The following RBFOX3 variants were observed in gnomAD, a reference collection of about 807,000 sequenced individuals.
RBFOX3 encodes RNA binding protein fox-1 homolog 3.
Under a neutral mutation model 48.7 loss-of-function variants are expected in RBFOX3, and 17 were observed. The observed-to-expected ratio is 0.35, with a 90% CI of 0.24 to 0.52. The LOEUF (loss-of-function observed/expected upper bound fraction) is 0.52, where lower values mean the gene tolerates loss of function less well. Among genes scored for constraint, RBFOX3 ranks in the 20% least tolerant of loss-of-function variants. The pLI is 0.94. For synonymous variants in RBFOX3, 212 were observed against 209.5 expected, an observed-to-expected ratio of 1.01 and a Z score of -0.10; for missense variants, 382 against 497.5, an observed-to-expected ratio of 0.77 and a Z score of 2.21.
At chr17:79,217,912 A>T (rs2059259310) in intron 4 of RBFOX3, among the ~76,000 whole-genome samples, 1 of 151,786 alleles carries the variant, frequency 6.6e-6, no homozygotes. Context: ...GGTGAGGTGG[A>T]GCTGAGAGGG....
chr17:79,278,978 C>T (rs1380365635), intron 3 of RBFOX3, among the ~76,000 whole-genome samples: 1 of 152,168 alleles, frequency 6.6e-6, no homozygotes, highest in African/African-American at 2.4e-5. Context: ...TCCACATGCT[C>T]CTCTCACAAC....
intron 4 of RBFOX3, among the ~76,000 whole-genome samples, chr17:79,154,348 G>A (rs1011359176): frequency 3.9e-5 from 6 of 152,296 alleles, no homozygotes; most frequent in African/African-American, 9.6e-5. Context: ...TCTGCTGTTA[G>A]CCCTCTGTCT....
chr17:79,503,331 C>T (rs1319516385), intron 1 of RBFOX3, among the ~76,000 whole-genome samples: 1 of 152,168 alleles, frequency 6.6e-6, no homozygotes, highest in Non-Finnish European at 1.5e-5. Flanking sequence ...CCCTCTGCCC[C>T]GGAGCTGGCA....
rs1246786268 is a variant in RBFOX3 at position 79,097,530 on chromosome 17, C to A, written c.623-106G>T. On this transcript the variant is annotated intron_variant, in intron 10 of 14. Coordinates refer to ENST00000693108, the MANE Select transcript of RBFOX3 (RefSeq NM_001350451.2). ...CCCGCGCACCTAGCCCCCAACCCCT[C>A]CCCAAGCCCCGCCCCCGGAGCGCTA... is the stretch of plus-strand genomic sequence containing the variant. The A allele has an allele frequency of 3.6e-6, 5 of 1,408,094 alleles. No individual in the cohort carries two copies. The African/African-American group carries it at 5.9e-5, about 17-fold the overall frequency. 87.2% of individuals were successfully genotyped at this position (1,408,094 alleles called of 1,614,324 possible).
chr17:79,540,582 T>G (rs1555789946), intron 1 of RBFOX3, among the ~76,000 whole-genome samples: 1 of 152,092 alleles, frequency 6.6e-6, no homozygotes, highest in African/African-American at 2.4e-5. Flanking sequence ...CAATGCACAC[T>G]CCTCCACACA....
chr17:79,248,238 G>A (rs918113766), intron 3 of RBFOX3, among the ~76,000 whole-genome samples: 1 of 152,046 alleles, frequency 6.6e-6, no homozygotes, highest in Non-Finnish European at 1.5e-5. Flanking sequence ...TTGTGTGTGT[G>A]TGTTTTTTTT....
chr17:79,505,405 A>G (rs1009873099), intron 1 of RBFOX3, among the ~76,000 whole-genome samples: 1 of 152,014 alleles, frequency 6.6e-6, no homozygotes, highest in Non-Finnish European at 1.5e-5. Context: ...GGAGACCCCT[A>G]AGCTGTGTGT....
intron 1 of RBFOX3, among the ~76,000 whole-genome samples, chr17:79,507,086 C>G (rs2083254246): frequency 6.6e-6 from 1 of 152,136 alleles, no homozygotes; most frequent in African/African-American, 2.4e-5. Context: ...AGCGGAGGAG[C>G]CTGGCCGGAG....
At chr17:79,209,062 G>A (rs1012035420) in intron 4 of RBFOX3, among the ~76,000 whole-genome samples, 34 of 151,540 alleles carry the variant, frequency 2.2e-4, no homozygotes, top group African/African-American at 7.5e-4. Context: ...CTTGTGATCC[G>A]CCTGCCTCGG....
intron 3 of RBFOX3, among the ~76,000 whole-genome samples, chr17:79,268,294 T>C (rs898523): frequency 0.9 from 137,004 of 152,046 alleles, 63,424 homozygotes; most frequent in East Asian, 1. Flanking sequence ...CAGCCCACCT[T>C]GCCTCACCTC....
intron 14 of RBFOX3, among the ~76,000 whole-genome samples, chr17:79,091,148 G>T (rs991460773): frequency 6.6e-6 from 1 of 152,230 alleles, no homozygotes; most frequent in Non-Finnish European, 1.5e-5. Context: ...GAGTGGAGAG[G>T]CTGGGCCAGC....
chr17:79,444,652 G>A (rs781080764), intron 2 of RBFOX3, among the ~76,000 whole-genome samples: 67 of 152,088 alleles, frequency 4.4e-4, no homozygotes, highest in Admixed American at 6.5e-4. Flanking sequence ...TCCCGGACTG[G>A]CCTTTCACAA....
intron 4 of RBFOX3, among the ~76,000 whole-genome samples, chr17:79,191,642 G>A (rs933785370): frequency 9.9e-5 from 15 of 152,214 alleles, no homozygotes; most frequent in East Asian, 1.9e-4. Flanking sequence ...GGCGGCCGGC[G>A]GCGGGAGGTA....
At chr17:79,172,566 G>C (rs929458811) in intron 4 of RBFOX3, among the ~76,000 whole-genome samples, 1 of 152,206 alleles carries the variant, frequency 6.6e-6, no homozygotes, top group Non-Finnish European at 1.5e-5. Context: ...GCGGCTTGGG[G>C]AGCCGGAGGG....
At chr17:79,372,436 C>T (rs531090314) in intron 2 of RBFOX3, among the ~76,000 whole-genome samples, 2 of 149,418 alleles carry the variant, frequency 1.3e-5, no homozygotes, top group Admixed American at 6.7e-5. Context: ...GTCTTATGAC[C>T]CCCCAGTTTT....
intron 4 of RBFOX3, among the ~76,000 whole-genome samples, chr17:79,197,415 G>A (rs1441537751): frequency 7.5e-6 from 1 of 134,206 alleles, no homozygotes; most frequent in Non-Finnish European, 1.5e-5. Flanking sequence ...TTGAGACAGA[G>A]TCTCACTCTG....
At chr17:79,105,365 C>T (rs924836003) in intron 6 of RBFOX3, among the ~76,000 whole-genome samples, 9 of 152,164 alleles carry the variant, frequency 5.9e-5, no homozygotes, top group Non-Finnish European at 1.0e-4. Flanking sequence ...GATGGTGTCC[C>T]CGTCCTGCAG....
chr17:79,375,932 G>A (rs1226216467), intron 2 of RBFOX3, among the ~76,000 whole-genome samples: 3 of 152,224 alleles, frequency 2.0e-5, no homozygotes, highest in Non-Finnish European at 4.4e-5. Flanking sequence ...CTGTAAAACG[G>A]GGAGTGCAGT....
intron 2 of RBFOX3, among the ~76,000 whole-genome samples, chr17:79,370,241 C>T (rs1162760153): frequency 6.6e-6 from 1 of 152,234 alleles, no homozygotes; most frequent in East Asian, 1.9e-4. Flanking sequence ...CCCAAGGAAG[C>T]AAAGCTGGAG....
Sources: allele counts gnomAD v4.1 joint callset (sites outside exome capture counted in the v4.1 genomes callset), GRCh38; gene constraint gnomAD v4.1.1; transcripts MANE v1.5; gene names NCBI Gene and HGNC (gene_info 2026-07-23, HGNC 2026-07-21).